Variants in UBXN7 observed in about 807,000 individuals in gnomAD.
UBXN7 encodes UBX domain-containing protein 7.
A neutral mutation model predicts 58.0 loss-of-function variants in UBXN7; 9 were observed. The ratio of observed to expected loss-of-function variants is 0.16; its 90% CI spans 0.09 to 0.27. The LOEUF is 0.27. Ranked by LOEUF, UBXN7 falls within the 10% of genes least tolerant of loss-of-function variation. The probability of loss-of-function intolerance (pLI) is 1.00; values close to 1 mark genes in which losing one functional copy is unlikely to be tolerated. For missense variants in UBXN7, 328 were observed against 599.6 expected, an observed-to-expected ratio of 0.55 and a Z score of 4.73; for synonymous variants, 208 against 205.0, an observed-to-expected ratio of 1.01 and a Z score of -0.12.
chr3:196,371,856 G>A, intron 6 of UBXN7, 40 bp downstream of exon 6: 1 of 1,592,736 alleles, frequency 6.3e-7, no homozygotes. Context: ...CACTACAAAA[G>A]TAAAATTCTA....
At chr3:196,365,404 GT>G (rs1375255921) in intron 8 of UBXN7, among the ~76,000 whole-genome samples, 1 of 151,992 alleles carries the variant, frequency 6.6e-6, no homozygotes, top group African/African-American at 2.4e-5. Context: ...GTTTTGTTTT[GT>G]TTTTTGTTTC....
chr3:196,372,346 T>TC (rs1463342136), intron 5 of UBXN7, among the ~76,000 whole-genome samples: 17 of 132,142 alleles, frequency 1.3e-4, no homozygotes, highest in Non-Finnish European at 2.2e-4. Context: ...TTTCTTTCTT[T>TC]TTTTTTTTTT....
intron 2 of UBXN7, 30 bp from the exon 3 acceptor site, chr3:196,403,049 T>A: frequency 6.4e-7 from 1 of 1,570,102 alleles, no homozygotes; most frequent in South Asian, 1.2e-5. Flanking sequence ...AAATAAAAAA[T>A]GAAAACTGTT....
chr3:196,369,947 A>G (rs913460944), intron 6 of UBXN7, among the ~76,000 whole-genome samples: 1 of 152,152 alleles, frequency 6.6e-6, no homozygotes, highest in Admixed American at 6.5e-5. Flanking sequence ...CCTGGCCAAC[A>G]TGGTGAAACC....
rs1422109540 is a variant in UBXN7 at position 196,351,919 on chromosome 3, C to T, written c.*4766G>A. 4 of 152,218 alleles carry T rather than the reference C, an allele frequency of 2.6e-5. No individual in the cohort carries two copies. The highest frequency in any genetic ancestry group is 1.9e-4 in the East Asian group (1 of 5,184). The allele number at this position is 152,218 out of a possible 1,614,324, so 9.4% of individuals were successfully genotyped here. ...TCCTGCGAGCTAGGAATCTTTACTC[C>T]GGGGGATCAATAGTGAGATCCCCGC... On this transcript the variant is annotated 3_prime_UTR_variant, in exon 11 of 11. Coordinates refer to ENST00000296328, the MANE Select transcript of UBXN7 (RefSeq NM_015562.2).
At chr3:196,362,720 G>C (rs749698593) in intron 8 of UBXN7, 33 bp from the exon 9 acceptor site, 4 of 1,560,720 alleles carry the variant, frequency 2.6e-6, no homozygotes, top group African/African-American at 1.4e-5. Context: ...ACAGGAAAAA[G>C]AACAAGTTAA....
At chr3:196,404,374 T>C (rs942272849) in intron 2 of UBXN7, among the ~76,000 whole-genome samples, 2 of 150,852 alleles carry the variant, frequency 1.3e-5, no homozygotes, top group South Asian at 4.3e-4. Flanking sequence ...GCCATTCTCC[T>C]GACTCAGCCT....
In UBXN7 at chr3:196,403,024, T is replaced by C; in HGVS notation, c.222-5A>G. 1 of 1,556,236 alleles carries C rather than the reference T, an allele frequency of 6.4e-7. No homozygotes were observed. The highest frequency in any genetic ancestry group is 8.7e-7 in the Non-Finnish European group (1 of 1,153,066). ...ATTGGGGCACGAACTTCTTCTCTAT[T>C]AAAAAAAAATGGGAAAATAAAAAAT... is the stretch of plus-strand genomic sequence containing the variant. On this transcript the variant is annotated splice_region_variant and splice_polypyrimidine_tract_variant and intron_variant, in intron 2 of 10. Coordinates refer to ENST00000296328, the MANE Select transcript of UBXN7 (RefSeq NM_015562.2).
chr3:196,365,611 C>T (rs1311263916), intron 8 of UBXN7, among the ~76,000 whole-genome samples: 1 of 151,800 alleles, frequency 6.6e-6, no homozygotes, highest in Non-Finnish European at 1.5e-5. Flanking sequence ...GCCAGACAGT[C>T]GGGGGAAAAA....
chr3:196,432,104 C>G (rs1731083014), intron 1 of UBXN7: 1 of 662,208 alleles, frequency 1.5e-6, no homozygotes, highest in African/African-American at 1.8e-5. Flanking sequence ...TCTCCCTCCA[C>G]GCTACTAGGA....
intron 6 of UBXN7, among the ~76,000 whole-genome samples, chr3:196,369,766 T>C (rs1410877890): frequency 1.3e-5 from 2 of 152,202 alleles, no homozygotes; most frequent in Non-Finnish European, 2.9e-5. Context: ...GGTATTATTC[T>C]TCCTGCTCAA....
intron 5 of UBXN7, among the ~76,000 whole-genome samples, chr3:196,383,632 A>G (rs1729283427): frequency 6.6e-6 from 1 of 152,206 alleles, no homozygotes; most frequent in Admixed American, 6.5e-5. Context: ...ATTAGAACTC[A>G]GGATTAAGAA....
intron 1 of UBXN7, among the ~76,000 whole-genome samples, chr3:196,417,110 G>T (rs567630814): frequency 9.9e-5 from 15 of 152,012 alleles, no homozygotes; most frequent in Non-Finnish European, 1.8e-4. Flanking sequence ...TCAGGAGATC[G>T]AGACCATCCT....
intron 5 of UBXN7, among the ~76,000 whole-genome samples, chr3:196,380,066 G>A (rs1482633862): frequency 1.3e-5 from 2 of 152,092 alleles, no homozygotes; most frequent in Admixed American, 6.6e-5. Context: ...TGGCTACCAG[G>A]GTGAAACCAC....
At chr3:196,361,725 A>C (rs978997318) in intron 10 of UBXN7, 119 bp downstream of exon 10, 28 of 813,376 alleles carry the variant, frequency 3.4e-5, no homozygotes, top group Non-Finnish European at 5.4e-5. Flanking sequence ...AAGCTACTGC[A>C]CACTTAATAG....
intron 3 of UBXN7, among the ~76,000 whole-genome samples, chr3:196,401,292 T>TACACAC (rs1276645133): frequency 1.2e-5 from 1 of 84,170 alleles, no homozygotes; most frequent in Non-Finnish European, 2.1e-5. Flanking sequence ...TATATATATA[T>TACACAC]ATATATACAC....
At chr3:196,429,778 A>G (rs983576960) in intron 1 of UBXN7, among the ~76,000 whole-genome samples, 2 of 152,350 alleles carry the variant, frequency 1.3e-5, no homozygotes, top group African/African-American at 4.8e-5. Context: ...AAAATTATCA[A>G]TAGAAATTCA....
rs941002115 is a variant in UBXN7 at position 196,421,860 on chromosome 3, T to G, written c.73+10467A>C. On this transcript the variant is annotated intron_variant, in intron 1 of 10. Transcript: ENST00000296328. Reference sequence around the variant, plus strand: ...CATTAGTCACCTGAGAAATGCAAATTAAGACCACAATGACATACCATTACA... The same window carrying G: ...CATTAGTCACCTGAGAAATGCAAATGAAGACCACAATGACATACCATTACA... Among the ~76,000 whole-genome samples the G allele has an allele frequency of 6.6e-5, 10 of 151,726 alleles. No individual in the cohort carries two copies. The South Asian group carries it at 1.5e-3, about 22-fold the overall frequency.
intron 5 of UBXN7, among the ~76,000 whole-genome samples, chr3:196,388,382 G>A (rs1389066135): frequency 6.6e-6 from 1 of 151,684 alleles, no homozygotes; most frequent in Non-Finnish European, 1.5e-5. Context: ...AACCAACATG[G>A]CACATGTATA....
Sources: gnomAD v4.1 joint callset for allele counts (sites outside exome capture counted in the v4.1 genomes callset) on GRCh38, gnomAD v4.1.1 for gene constraint, MANE v1.5 for transcripts, NCBI Gene and HGNC (gene_info 2026-07-23, HGNC 2026-07-21) for gene names.